The following RAB38 variants were observed in gnomAD, a reference collection of about 807,000 sequenced individuals.
RAB38 encodes the protein RAB38, member RAS oncogene family.
In RAB38, 15 loss-of-function variants were observed where a neutral mutation model predicts 18.4. The observed-to-expected ratio is 0.82, with a 90% CI of 0.55 to 1.26. The LOEUF (loss-of-function observed/expected upper bound fraction) is 1.26. Ranked by LOEUF, RAB38 falls within the 50% of genes most tolerant of loss-of-function variation. RAB38 has a pLI of 0.00. For missense variants in RAB38, 294 were observed against 267.4 expected (o/e 1.10, Z -0.69); for synonymous variants, 101 against 104.4 (o/e 0.97, Z 0.20).
the RAB38 span, chr11:88,097,851 C>T: frequency 6.6e-6 from 1 of 151,812 alleles, no homozygotes; most frequent in African/African-American, 2.4e-5. Context: ...TATTGCAGAA[C>T]CTTAGTTTTC....
chr11:87,821,510 G>A, the RAB38 span, among the ~76,000 whole-genome samples: 1 of 152,162 alleles, frequency 6.6e-6, no homozygotes, highest in Non-Finnish European at 1.5e-5. Context: ...AGAAGCCAAA[G>A]CAAAGTAGTA....
At chr11:88,059,079 T>C in the RAB38 span, among the ~76,000 whole-genome samples, 10 of 152,182 alleles carry the variant, frequency 6.6e-5, no homozygotes, top group Non-Finnish European at 1.0e-4. Flanking sequence ...TTCTGTGACC[T>C]TGGGAAAATC....
At chr11:87,874,338 A>G in the RAB38 span, among the ~76,000 whole-genome samples, 1 of 151,540 alleles carries the variant, frequency 6.6e-6, no homozygotes, top group African/African-American at 2.4e-5. Flanking sequence ...TTTGCAAGCC[A>G]TACATCTGAT....
chr11:87,945,286 T>A, the RAB38 span, among the ~76,000 whole-genome samples: 8 of 152,166 alleles, frequency 5.3e-5, no homozygotes, highest in Non-Finnish European at 8.8e-5. Flanking sequence ...ATTAAAATAT[T>A]AGTCTAAAGA....
the RAB38 span, among the ~76,000 whole-genome samples, chr11:88,104,598 TGTG>T: frequency 6.6e-6 from 1 of 152,134 alleles, no homozygotes; most frequent in Non-Finnish European, 1.5e-5. Context: ...ATGATTATCT[TGTG>T]GTGTTGCTGT....
At chr11:88,018,347 A>C in the RAB38 span, among the ~76,000 whole-genome samples, 11 of 152,200 alleles carry the variant, frequency 7.2e-5, no homozygotes, top group African/African-American at 1.4e-4. Flanking sequence ...CCCTTTTCCC[A>C]CATCATCTTT....
the RAB38 span, among the ~76,000 whole-genome samples, chr11:88,070,815 G>A: frequency 2.6e-5 from 4 of 152,136 alleles, no homozygotes; most frequent in Admixed American, 2.6e-4. Context: ...GATAACTGAG[G>A]TTGCAAGACA....
chr11:87,955,548 A>G, the RAB38 span, among the ~76,000 whole-genome samples: 1 of 152,196 alleles, frequency 6.6e-6, no homozygotes, highest in African/African-American at 2.4e-5. Context: ...AATATGACTT[A>G]TCCTATAGAC....
chr11:88,099,459 G>A, the RAB38 span, among the ~76,000 whole-genome samples: 3 of 151,934 alleles, frequency 2.0e-5, no homozygotes, highest in East Asian at 5.8e-4. Context: ...GAGAGAAAGA[G>A]AACTTCAAAT....
the RAB38 span, among the ~76,000 whole-genome samples, chr11:87,927,932 G>A: frequency 6.6e-6 from 1 of 151,892 alleles, no homozygotes; most frequent in East Asian, 1.9e-4. Context: ...AAAAGAAATA[G>A]CTAGGTGTGG....
chr11:87,842,228 A>G, the RAB38 span, among the ~76,000 whole-genome samples: 1 of 152,226 alleles, frequency 6.6e-6, no homozygotes, highest in African/African-American at 2.4e-5. Flanking sequence ...GATGACATGG[A>G]AGGCCACAAC....
At chr11:87,836,097 G>A in the RAB38 span, among the ~76,000 whole-genome samples, 1 of 152,246 alleles carries the variant, frequency 6.6e-6, no homozygotes, top group African/African-American at 2.4e-5. Context: ...TTTCCCCTAT[G>A]TAAGGAATGC....
the RAB38 span, among the ~76,000 whole-genome samples, chr11:87,875,089 C>A: frequency 6.6e-6 from 1 of 151,434 alleles, no homozygotes; most frequent in Non-Finnish European, 1.5e-5. Context: ...GAGGAATAAT[C>A]TTTTAGATCT....
intron 1 of RAB38, among the ~76,000 whole-genome samples, chr11:88,152,856 T>C (rs1943080375): frequency 6.6e-6 from 1 of 152,254 alleles, no homozygotes; most frequent in Admixed American, 6.5e-5. Flanking sequence ...CTCTATACTT[T>C]GTGCTGGAAA....
chr11:88,024,331 T>C, the RAB38 span, among the ~76,000 whole-genome samples: 2 of 152,176 alleles, frequency 1.3e-5, no homozygotes, highest in Non-Finnish European at 2.9e-5. Flanking sequence ...AAAACTATAA[T>C]GAACTATCAC....
the RAB38 span, among the ~76,000 whole-genome samples, chr11:88,024,790 T>C: frequency 6.6e-6 from 1 of 152,144 alleles, no homozygotes; most frequent in Non-Finnish European, 1.5e-5. Context: ...TCTCACTTAC[T>C]TATGGGATCT....
intron 1 of RAB38, among the ~76,000 whole-genome samples, chr11:88,160,490 C>A (rs959338567): frequency 1.3e-5 from 2 of 151,956 alleles, no homozygotes; most frequent in African/African-American, 2.4e-5. Context: ...TTGTATATAT[C>A]CAAAAGAAAG....
chr11:88,136,427 T>A (rs1291222254), intron 2 of RAB38, among the ~76,000 whole-genome samples: 5 of 151,862 alleles, frequency 3.3e-5, no homozygotes, highest in Non-Finnish European at 5.9e-5. Flanking sequence ...TCAGACAAAA[T>A]CAATACTAAA....
chr11:87,862,121 T>G, the RAB38 span, among the ~76,000 whole-genome samples: 1 of 151,796 alleles, frequency 6.6e-6, no homozygotes, highest in African/African-American at 2.4e-5. Flanking sequence ...CTCAAAGACC[T>G]AAAGACAAAT....
Sources: allele counts gnomAD v4.1 joint callset (sites outside exome capture counted in the v4.1 genomes callset), GRCh38; gene constraint gnomAD v4.1.1; transcripts MANE v1.5; gene names NCBI Gene and HGNC (gene_info 2026-07-23, HGNC 2026-07-21).